Variants in GPR137C observed in about 807,000 individuals in gnomAD.
GPR137C encodes integral membrane protein GPR137C.
A neutral mutation model predicts 43.4 loss-of-function variants in GPR137C; 27 were observed. The ratio of observed to expected loss-of-function variants is 0.62; its 90% CI spans 0.46 to 0.86. GPR137C has a LOEUF of 0.86. Among genes scored for constraint, GPR137C ranks in the 40% least tolerant of loss-of-function variants. The pLI is 0.00. For synonymous variants in GPR137C, 285 were observed against 226.9 expected, an observed-to-expected ratio of 1.26 and a Z score of -2.30; for missense variants, 522 against 534.6, an observed-to-expected ratio of 0.98 and a Z score of 0.23.
chr14:52,595,985 C>G (rs1341928079), intron 1 of GPR137C, among the ~76,000 whole-genome samples: 1 of 152,128 alleles, frequency 6.6e-6, no homozygotes, highest in African/African-American at 2.4e-5. Context: ...ATGTTGGTGA[C>G]CTACAGATGG....
chr14:52,582,233 G>T (rs2038657187), intron 1 of GPR137C, among the ~76,000 whole-genome samples: 2 of 152,076 alleles, frequency 1.3e-5, no homozygotes, highest in African/African-American at 4.8e-5. Flanking sequence ...CTCTTATAAG[G>T]ATACTAATCT....
intron 3 of GPR137C, among the ~76,000 whole-genome samples, chr14:52,609,022 CCT>C (rs1566620079): frequency 6.6e-6 from 1 of 152,148 alleles, no homozygotes; most frequent in Non-Finnish European, 1.5e-5. Flanking sequence ...ACTTTCTACC[CCT>C]GTCTTTCTCA....
At chr14:52,587,898 A>G (rs1228520761) in intron 1 of GPR137C, among the ~76,000 whole-genome samples, 1 of 152,200 alleles carries the variant, frequency 6.6e-6, no homozygotes, top group African/African-American at 2.4e-5. Context: ...AGGAGTGTGG[A>G]CATTTTTCTG....
chr14:52,562,896 A>G (rs772788918), intron 1 of GPR137C, among the ~76,000 whole-genome samples: 7 of 152,186 alleles, frequency 4.6e-5, no homozygotes, highest in Non-Finnish European at 7.4e-5. Flanking sequence ...AGAAAAAACA[A>G]AGAGGTTTGA....
rs748023461 is a variant in GPR137C at position 52,553,248 on chromosome 14, C to T, written c.101C>T (p.Ala34Val). ...GGGSGGGGAV[A>V]AASGAAVPGS... ...GGCAGCGGAGGCGGAGGCGCCGTCGCTGCAGCCTCAGGCGCCGCGGTGCCG... is the reference window on the plus strand; with the variant it reads ...GGCAGCGGAGGCGGAGGCGCCGTCGTTGCAGCCTCAGGCGCCGCGGTGCCG... Residue 34 changes from alanine to valine, a missense_variant, in exon 1 of 7, where the codon GCT becomes GTT. Physicochemically the swap from Ala to Val is moderately conservative, Grantham distance 64. Coordinates refer to ENST00000321662, the MANE Select transcript of GPR137C (RefSeq NM_001099652.2). 5.2e-6 allele frequency: 7 copies of T among 1,348,924 alleles called. No individual in the cohort carries two copies. The highest frequency in any genetic ancestry group is 6.7e-6 in the Non-Finnish European group (7 of 1,049,762). The allele number at this position is 1,348,924 out of a possible 1,614,324, so 83.6% of individuals were successfully genotyped here. A position where few individuals can be genotyped will look rare whatever the true frequency, so the allele number is the denominator to read the frequency against.
chr14:52,559,061 T>A (rs1401641002), intron 1 of GPR137C, among the ~76,000 whole-genome samples: 1 of 152,190 alleles, frequency 6.6e-6, no homozygotes, highest in Non-Finnish European at 1.5e-5. Flanking sequence ...AGGTGGGCTT[T>A]GTGAAAACAT....
chr14:52,604,549 G>A (rs1427075996), intron 3 of GPR137C, among the ~76,000 whole-genome samples: 3 of 151,704 alleles, frequency 2.0e-5, no homozygotes, highest in Middle Eastern at 3.4e-3. Context: ...AGGTTCAAGC[G>A]ATTCTCCAGC....
intron 1 of GPR137C, among the ~76,000 whole-genome samples, chr14:52,558,587 A>G (rs1023572759): frequency 7.2e-5 from 11 of 152,206 alleles, no homozygotes; most frequent in Admixed American, 2.0e-4. Context: ...GGAAGAATGT[A>G]CTTTAAACCC....
At chr14:52,615,237 C>T (rs1056369834) in intron 3 of GPR137C, among the ~76,000 whole-genome samples, 1 of 152,138 alleles carries the variant, frequency 6.6e-6, no homozygotes, top group Admixed American at 6.5e-5. Flanking sequence ...ATGTTCTTGG[C>T]ACCTTTGTCA....
At chr14:52,594,524 A>G (rs2038826358) in intron 1 of GPR137C, among the ~76,000 whole-genome samples, 3 of 152,220 alleles carry the variant, frequency 2.0e-5, no homozygotes, top group African/African-American at 7.2e-5. Context: ...ATATATATTT[A>G]GGATAGTTAG....
chr14:52,608,068 A>G (rs950266070), intron 3 of GPR137C, among the ~76,000 whole-genome samples: 1 of 151,970 alleles, frequency 6.6e-6, no homozygotes, highest in Non-Finnish European at 1.5e-5. Context: ...CCATTTTGCC[A>G]CTCTGTATCT....
At chr14:52,612,053 T>C in intron 3 of GPR137C, 1 of 985,406 alleles carries the variant, frequency 1.0e-6, no homozygotes, top group Non-Finnish European at 1.2e-6. Flanking sequence ...TCACTGTTAT[T>C]TGTCTGTTAA....
At chr14:52,599,919 C>A (rs2038903509) in intron 2 of GPR137C, among the ~76,000 whole-genome samples, 194 bp from the exon 3 acceptor site, 1 of 152,022 alleles carries the variant, frequency 6.6e-6, no homozygotes, top group Non-Finnish European at 1.5e-5. Flanking sequence ...TAAGATAGTC[C>A]TATCTTATTC....
At chr14:52,604,115 T>C (rs973975717) in intron 3 of GPR137C, among the ~76,000 whole-genome samples, 2 of 152,204 alleles carry the variant, frequency 1.3e-5, no homozygotes, top group South Asian at 4.1e-4. Flanking sequence ...ATTATCTATC[T>C]TTTTGCTATT....
At chr14:52,593,500 A>AT (rs1212270248) in intron 1 of GPR137C, among the ~76,000 whole-genome samples, 1 of 152,158 alleles carries the variant, frequency 6.6e-6, no homozygotes, top group African/African-American at 2.4e-5. Flanking sequence ...TATTGCCTCA[A>AT]TTTCAGAACC....
intron 1 of GPR137C, among the ~76,000 whole-genome samples, chr14:52,589,968 T>C (rs2038760967): frequency 6.6e-6 from 1 of 152,220 alleles, no homozygotes; most frequent in South Asian, 2.1e-4. Flanking sequence ...ACTATTATTT[T>C]AGAATGGCTT....
At chr14:52,582,807 ATAAT>A in intron 1 of GPR137C, among the ~76,000 whole-genome samples, 1 of 150,848 alleles carries the variant, frequency 6.6e-6, no homozygotes, top group Non-Finnish European at 1.5e-5. Flanking sequence ...AAATAAATAA[ATAAT>A]TAAAAATAAT....
In GPR137C at chr14:52,627,838, G is replaced by A. The variant is rs572725001; in HGVS notation, c.718-4322G>A. ...CAGCCTGGCGACAGAGCAAGACTCC[G>A]TCTCAAAAAATATATGTATATTAAA... On this transcript the variant is annotated intron_variant, in intron 3 of 6. Transcript: ENST00000321662. Among the ~76,000 whole-genome samples, 21 of 152,118 alleles carry A rather than the reference G, an allele frequency of 1.4e-4. No homozygotes were observed. The East Asian group carries it at 1.7e-3, about 13-fold the overall frequency.
intron 1 of GPR137C, among the ~76,000 whole-genome samples, chr14:52,571,780 A>G (rs971827586): frequency 4.6e-5 from 7 of 152,204 alleles, no homozygotes; most frequent in Non-Finnish European, 8.8e-5. Flanking sequence ...TAGAGATACG[A>G]AAAAACCTTC....
Sources: allele counts gnomAD v4.1 joint callset (sites outside exome capture counted in the v4.1 genomes callset), GRCh38; gene constraint gnomAD v4.1.1; transcripts MANE v1.5; gene names NCBI Gene and HGNC (gene_info 2026-07-23, HGNC 2026-07-21).